NF2: variants seen among roughly 807,000 people sequenced by gnomAD.
NF2 encodes NF2, moesin-ezrin-radixin like (MERLIN) tumor suppressor.
A neutral mutation model predicts 83.7 loss-of-function variants in NF2; 8 were observed. The observed-to-expected ratio is 0.10, with a 90% CI of 0.06 to 0.17. The LOEUF is 0.17. Ranked by LOEUF, NF2 falls within the 10% of genes least tolerant of loss-of-function variation. The pLI, the probability that NF2 is intolerant of heterozygous loss-of-function variation, is 1.00. For missense variants in NF2, 533 were observed against 744.4 expected (o/e 0.72, Z 3.31); for synonymous variants, 266 against 269.6 (o/e 0.99, Z 0.13).
Position 29,697,492 on chromosome 22 carries a change from C to T in NF2, c.*2690C>T, listed in dbSNP as rs1413548442. Reference sequence around the variant, plus strand: ...ATGGGCCTCAGGAGCATCTCAAGCCCCAGTAGCAGGAGAAAGAAAGAAAGA... The same window carrying T: ...ATGGGCCTCAGGAGCATCTCAAGCCTCAGTAGCAGGAGAAAGAAAGAAAGA... On this transcript the variant is annotated 3_prime_UTR_variant, in exon 16 of 16. Transcript: ENST00000338641. The T allele has an allele frequency of 5.4e-6, 1 of 185,096 alleles. No homozygotes were observed. The highest frequency in any genetic ancestry group is 2.4e-5 in the African/African-American group (1 of 42,472). 11.5% of individuals were successfully genotyped at this position (185,096 alleles called of 1,614,324 possible).
At chr22:29,626,849 A>G (rs892587446) in intron 1 of NF2, among the ~76,000 whole-genome samples, 16 of 152,166 alleles carry the variant, frequency 1.1e-4, no homozygotes, top group African/African-American at 3.9e-4. Context: ...ATTGTTTCCT[A>G]TTTGTAGTGC....
At chr22:29,683,652 A>G (rs765061727) in intron 15 of NF2, 18 of 1,082,702 alleles carry the variant, frequency 1.7e-5, no homozygotes, top group Non-Finnish European at 2.0e-5. Flanking sequence ...ATGTGAGTCC[A>G]CGGGGAGTGG....
At chr22:29,661,418 G>C (rs2147013442) in intron 8 of NF2, 79 bp downstream of exon 8, 1 of 1,587,790 alleles carries the variant, frequency 6.3e-7, no homozygotes, top group African/African-American at 1.3e-5. Flanking sequence ...CCCCAGCCAG[G>C]GCATCTCCTT....
intron 15 of NF2, among the ~76,000 whole-genome samples, chr22:29,692,979 G>C (rs2067447952): frequency 6.6e-6 from 1 of 152,214 alleles, no homozygotes; most frequent in South Asian, 2.1e-4. Context: ...GGCCCAGCTG[G>C]GCCTTGCACC....
chr22:29,616,967 C>T (rs1436402378), intron 1 of NF2, among the ~76,000 whole-genome samples: 3 of 151,292 alleles, frequency 2.0e-5, no homozygotes, highest in African/African-American at 4.9e-5. Context: ...CTCGCTCTGT[C>T]GCCCAGGTTG....
At chr22:29,678,785 T>C (rs1355131356) in intron 14 of NF2, among the ~76,000 whole-genome samples, 1 of 152,230 alleles carries the variant, frequency 6.6e-6, no homozygotes, top group East Asian at 1.9e-4. Context: ...AGCTGACAGC[T>C]GGTGGGGCCA....
chr22:29,637,200 C>T (rs1272408316), intron 2 of NF2, among the ~76,000 whole-genome samples: 1 of 152,184 alleles, frequency 6.6e-6, no homozygotes, highest in Non-Finnish European at 1.5e-5. Flanking sequence ...TTACTGTTAT[C>T]TTCATATACT....
intron 1 of NF2, among the ~76,000 whole-genome samples, chr22:29,626,622 T>C (rs2065375070): frequency 6.6e-6 from 1 of 152,240 alleles, no homozygotes; most frequent in Admixed American, 6.5e-5. Context: ...CAATAGAAGC[T>C]AGTTCACATG....
rs545642228 is a variant in NF2, at chr22:29,648,491, C to T, written c.448-6166C>T. Among the ~76,000 whole-genome samples the T allele has an allele frequency of 2.0e-5, 3 of 152,346 alleles. No individual in the cohort carries two copies. The South Asian group carries it at 6.2e-4, about 32-fold the overall frequency. On this transcript the variant is annotated intron_variant, in intron 4 of 15. Coordinates refer to ENST00000338641, the MANE Select transcript of NF2 (RefSeq NM_000268.4). ...AGGGATTGTGAAATTGGCATAACCT[C>T]TGTAGAGCACCAAGTGTGGAAGGGA...
In NF2 at chr22:29,698,454, AT is replaced by A; in HGVS notation, c.*3656del. 4.6e-6 allele frequency: 1 copy of A among 217,356 alleles called. No homozygotes were observed. The highest frequency in any genetic ancestry group is 9.3e-6 in the Non-Finnish European group (1 of 107,900). The allele number at this position is 217,356 out of a possible 1,614,324, so 13.5% of individuals were successfully genotyped here. On this transcript the variant is annotated 3_prime_UTR_variant, in exon 16 of 16. Transcript: ENST00000338641. Reference sequence around the variant, plus strand: ...CAGGGCTTTCAGGGAAGCGCCATCCATTTTCAAAGATGTCAAACGTCACTTC... The same window carrying A: ...CAGGGCTTTCAGGGAAGCGCCATCCATTTCAAAGATGTCAAACGTCACTTC...
intron 1 of NF2, among the ~76,000 whole-genome samples, chr22:29,611,909 T>A (rs2064961126): frequency 1.3e-5 from 2 of 152,216 alleles, no homozygotes; most frequent in African/African-American, 2.4e-5. Flanking sequence ...AAAATACTTA[T>A]AACAAAAGAG....
At chr22:29,670,584 A>G (rs2066756994) in intron 10 of NF2, among the ~76,000 whole-genome samples, 1 of 151,604 alleles carries the variant, frequency 6.6e-6, no homozygotes, top group Non-Finnish European at 1.5e-5. Flanking sequence ...GAAACCTTGT[A>G]TGACCAGAGT....
At chr22:29,673,068 C>G (rs1303527090) in intron 11 of NF2, among the ~76,000 whole-genome samples, 2 of 152,230 alleles carry the variant, frequency 1.3e-5, no homozygotes, top group African/African-American at 4.8e-5. Flanking sequence ...TTGTTACTCC[C>G]CATGGGTGCA....
chr22:29,644,381 C>T (rs1212746453), intron 4 of NF2, among the ~76,000 whole-genome samples: 2 of 151,476 alleles, frequency 1.3e-5, no homozygotes, highest in South Asian at 2.1e-4. Context: ...GGAAGAGGCG[C>T]TCCTCACTTC....
At chr22:29,617,516 A>G (rs966634355) in intron 1 of NF2, among the ~76,000 whole-genome samples, 1 of 152,034 alleles carries the variant, frequency 6.6e-6, no homozygotes, top group Non-Finnish European at 1.5e-5. Flanking sequence ...ATGTCTTCAG[A>G]CATTGTCAAG....
At chr22:29,673,174 G>A (rs2066854774) in intron 11 of NF2, 95 bp from the exon 12 acceptor site, 4 of 1,361,776 alleles carry the variant, frequency 2.9e-6, no homozygotes, top group Non-Finnish European at 4.1e-6. Flanking sequence ...CCAGGAGTCC[G>A]AGACTCTGGT....
At chr22:29,632,343 C>G (rs750017225) in intron 1 of NF2, among the ~76,000 whole-genome samples, 1 of 152,122 alleles carries the variant, frequency 6.6e-6, no homozygotes, top group African/African-American at 2.4e-5. Context: ...TTTCCCCAAG[C>G]CCAGTCTTCA....
At position 29,673,475 on chromosome 22, in the gene NF2, G is replaced by A; in HGVS notation, c.1329G>A (p.Glu443=). The stretch of plus-strand genomic sequence containing the variant: ...TGCTGGCACTGAAGATGGCTGAGGA[G>A]TCAGAGAGGAGGTGAGGGGGCACCG... The part of the protein sequence containing the change: ...AEVLALKMAE[E]SERRAKEADQ... The change falls in exon 12 of 16, where the codon GAG becomes GAA. Residue 443 remains glutamate, a synonymous_variant. Transcript: ENST00000338641. 1 of 1,608,872 alleles carries A rather than the reference G, an allele frequency of 6.2e-7. No individual in the cohort carries two copies. Among genetic ancestry groups the A allele is most frequent in the South Asian group, 1.1e-5 (1 of 89,404 alleles).
At chr22:29,675,095 G>A (rs1296636970) in intron 13 of NF2, among the ~76,000 whole-genome samples, 154 bp downstream of exon 13, 1 of 152,194 alleles carries the variant, frequency 6.6e-6, no homozygotes, top group Non-Finnish European at 1.5e-5. Context: ...GTTAGGGACT[G>A]GGTAGAACAT....
Sources: allele counts gnomAD v4.1 joint callset (sites outside exome capture counted in the v4.1 genomes callset), GRCh38; gene constraint gnomAD v4.1.1; transcripts MANE v1.5; gene names NCBI Gene and HGNC (gene_info 2026-07-23, HGNC 2026-07-21).